IL23R: variants seen among roughly 807,000 people sequenced by gnomAD.
The protein encoded by IL23R is interleukin 23 receptor, also known as interleukin-23 receptor.
In IL23R, 34 loss-of-function variants were observed where a neutral mutation model predicts 56.9. The observed-to-expected ratio is 0.60, with a 90% CI of 0.45 to 0.80. The LOEUF is 0.80. Ranked by LOEUF, IL23R falls within the 30% of genes least tolerant of loss-of-function variation. The probability of loss-of-function intolerance (pLI) is 0.00; values close to 1 mark genes in which losing one functional copy is unlikely to be tolerated. For synonymous variants in IL23R, 230 were observed against 249.2 expected (o/e 0.92, Z 0.73); for missense variants, 635 against 730.0 (o/e 0.87, Z 1.50).
chr1:67,142,788 G>A (rs1349062701), intron 1 of IL23R, among the ~76,000 whole-genome samples: 11 of 152,034 alleles, frequency 7.2e-5, no homozygotes, highest in African/African-American at 1.2e-4. Flanking sequence ...GGCTGGTCTC[G>A]AACTCCTGAC....
intron 1 of IL23R, among the ~76,000 whole-genome samples, chr1:67,150,081 A>G (rs937769361): frequency 2.6e-5 from 4 of 152,064 alleles, no homozygotes; most frequent in Admixed American, 2.6e-4. Context: ...TTCTATCTAT[A>G]GTCTATATCT....
chr1:67,154,628 C>G (rs1044716957), intron 1 of IL23R, among the ~76,000 whole-genome samples: 2 of 151,106 alleles, frequency 1.3e-5, no homozygotes, highest in African/African-American at 4.9e-5. Context: ...TATTTTTTTG[C>G]TTTCCGTTTG....
intron 3 of IL23R, among the ~76,000 whole-genome samples, chr1:67,179,311 T>C (rs151088748): frequency 1.5e-4 from 23 of 152,314 alleles, no homozygotes; most frequent in African/African-American, 4.6e-4. Context: ...TATTGGCCTA[T>C]TCAGAGATTC....
chr1:67,151,772 G>A, intron 1 of IL23R, among the ~76,000 whole-genome samples: 1 of 152,242 alleles, frequency 6.6e-6, no homozygotes, highest in Non-Finnish European at 1.5e-5. Flanking sequence ...GATATGTGGT[G>A]TTGTTTCTGA....
At chr1:67,142,296 A>G (rs1490242192) in intron 1 of IL23R, among the ~76,000 whole-genome samples, 3 of 152,282 alleles carry the variant, frequency 2.0e-5, no homozygotes, top group African/African-American at 4.8e-5. Flanking sequence ...TATAAATTAT[A>G]TAAAGCTAAA....
chr1:67,188,197 C>T lies in IL23R; in HGVS notation c.491+5238C>T, dbSNP rs76379488. 6.7e-3 allele frequency among the ~76,000 whole-genome samples: 1,022 copies of T among 152,306 alleles called. 10 individuals carry two copies. Among genetic ancestry groups the T allele is most frequent in the Non-Finnish European group, 0.012 (804 of 68,026 alleles). On this transcript the variant is annotated intron_variant, in intron 4 of 10. Transcript: ENST00000347310. ...TACCCCAGGGATCTAGGCTCTTTTCCTCTTTCTACTCTGCCATCTTCAGTG... is the reference window on the plus strand; with the variant it reads ...TACCCCAGGGATCTAGGCTCTTTTCTTCTTTCTACTCTGCCATCTTCAGTG...
At chr1:67,260,347 C>T (rs561294274), downstream of IL23R, among the ~76,000 whole-genome samples, 33 of 152,022 alleles carry the variant, frequency 2.2e-4, no homozygotes, top group Non-Finnish European at 4.7e-4. Flanking sequence ...ATCAGCAAGA[C>T]GTAATTTTTT....
intron 4 of IL23R, among the ~76,000 whole-genome samples, chr1:67,200,426 C>T (rs1464314222): frequency 4.0e-5 from 6 of 149,752 alleles, no homozygotes; most frequent in African/African-American, 1.2e-4. Context: ...CAGAGTCTCA[C>T]TCTGTTGCCC....
intron 9 of IL23R, among the ~76,000 whole-genome samples, chr1:67,251,764 C>T (rs1174973260): frequency 6.6e-6 from 1 of 152,186 alleles, no homozygotes; most frequent in Non-Finnish European, 1.5e-5. Flanking sequence ...CAGGCCACCA[C>T]TGTGAAAGTA....
At chr1:67,178,667 T>C (rs11218180) in intron 3 of IL23R, among the ~76,000 whole-genome samples, 3 of 152,086 alleles carry the variant, frequency 2.0e-5, no homozygotes, top group South Asian at 2.1e-4. Context: ...TGAATAGGAG[T>C]GGTGAGAGAG....
chr1:67,187,803 C>A (rs1647452550), intron 4 of IL23R, among the ~76,000 whole-genome samples: 1 of 152,110 alleles, frequency 6.6e-6, no homozygotes, highest in Admixed American at 6.6e-5. Context: ...CAGTGGCACA[C>A]GCTTGTAATC....
intron 6 of IL23R, among the ~76,000 whole-genome samples, chr1:67,211,908 C>G (rs990054962): frequency 1.3e-5 from 2 of 152,090 alleles, no homozygotes; most frequent in Admixed American, 1.3e-4. Flanking sequence ...ATCTCATATG[C>G]TCTTCATAAC....
At chr1:67,181,903 GC>G (rs1647149383) in intron 3 of IL23R, among the ~76,000 whole-genome samples, 1 of 152,190 alleles carries the variant, frequency 6.6e-6, no homozygotes, top group Non-Finnish European at 1.5e-5. Flanking sequence ...GTCCATTCCA[GC>G]CCTGTTTGCC....
chr1:67,202,552 G>A (rs1452451385), intron 5 of IL23R, among the ~76,000 whole-genome samples: 1 of 152,074 alleles, frequency 6.6e-6, no homozygotes, highest in Non-Finnish European at 1.5e-5. Context: ...TTTCACATAC[G>A]TTATTTAACC....
intron 4 of IL23R, among the ~76,000 whole-genome samples, chr1:67,198,682 T>G (rs1025989662): frequency 6.6e-6 from 1 of 152,212 alleles, no homozygotes; most frequent in African/African-American, 2.4e-5. Flanking sequence ...AGGTGGCTCA[T>G]GCCTATAATC....
chr1:67,261,801 A>G (rs1487910245), downstream of IL23R, among the ~76,000 whole-genome samples: 1 of 152,230 alleles, frequency 6.6e-6, no homozygotes, highest in Non-Finnish European at 1.5e-5. Context: ...AAAAGCTTTT[A>G]TCAAGCTTAA....
chr1:67,214,588 A>C (rs1346638662), intron 6 of IL23R, among the ~76,000 whole-genome samples: 7 of 152,230 alleles, frequency 4.6e-5, no homozygotes, highest in Non-Finnish European at 1.0e-4. Flanking sequence ...AGAGAATGAG[A>C]GTTTCAACCA....
intron 9 of IL23R, among the ~76,000 whole-genome samples, chr1:67,253,195 T>G (rs1224535062): frequency 2.6e-5 from 4 of 152,214 alleles, no homozygotes; most frequent in African/African-American, 9.6e-5. Context: ...ATTGTTTTAG[T>G]GTTTTAGCAT....
At chr1:67,178,526 G>C (rs374849756) in intron 3 of IL23R, among the ~76,000 whole-genome samples, 1 of 152,140 alleles carries the variant, frequency 6.6e-6, no homozygotes. Flanking sequence ...GGGCTGAGAC[G>C]ATGGGGTTTT....
Sources: allele counts gnomAD v4.1 joint callset (sites outside exome capture counted in the v4.1 genomes callset), GRCh38; gene constraint gnomAD v4.1.1; transcripts MANE v1.5; gene names NCBI Gene and HGNC (gene_info 2026-07-23, HGNC 2026-07-21).